The following CACNB2 variants were observed in gnomAD, a reference collection of about 807,000 sequenced individuals.
CACNB2 encodes the protein voltage-dependent L-type calcium channel subunit beta-2.
A neutral mutation model predicts 73.3 loss-of-function variants in CACNB2; 42 were observed. That is an observed-to-expected ratio of 0.57 (90% CI 0.45 to 0.74). CACNB2 has a LOEUF of 0.74. CACNB2 is among the 30% of genes least tolerant of loss of function. The pLI, the probability that CACNB2 is intolerant of heterozygous loss-of-function variation, is 0.00. For synonymous variants in CACNB2, 348 were observed against 310.3 expected, an observed-to-expected ratio of 1.12 and a Z score of -1.28; for missense variants, 940 against 853.0, an observed-to-expected ratio of 1.10 and a Z score of -1.27.
intron 2 of CACNB2, among the ~76,000 whole-genome samples, chr10:18,364,811 A>AT (rs2042284634): frequency 6.6e-6 from 1 of 151,860 alleles, no homozygotes; most frequent in African/African-American, 2.4e-5. Flanking sequence ...CCAAAATGTC[A>AT]TTTTCCATGC....
chr10:18,498,308 G>C (rs371337619), intron 3 of CACNB2, 47 bp from the exon 4 acceptor site: 2 of 1,611,396 alleles, frequency 1.2e-6, no homozygotes, highest in East Asian at 4.5e-5. Flanking sequence ...AGGAGGGACA[G>C]TGTTGTTTTG....
chr10:18,497,918 C>A (rs1163603753), intron 3 of CACNB2, among the ~76,000 whole-genome samples: 1 of 152,028 alleles, frequency 6.6e-6, no homozygotes, highest in African/African-American at 2.4e-5. Flanking sequence ...AATGATTGTA[C>A]CTTTCGGAAT....
chr10:18,346,115 T>C (rs1055486580), intron 2 of CACNB2, among the ~76,000 whole-genome samples: 2 of 152,136 alleles, frequency 1.3e-5, no homozygotes, highest in Non-Finnish European at 2.9e-5. Context: ...TCTTCCACTC[T>C]CCTCTTAAGA....
At chr10:18,411,124 ATTGTCAACTCTTTGC>A (rs1181344657) in intron 3 of CACNB2, among the ~76,000 whole-genome samples, 2 of 152,158 alleles carry the variant, frequency 1.3e-5, no homozygotes, top group Non-Finnish European at 2.9e-5. Context: ...GCTTTAAAAA[ATTGTCAACTCTTTGC>A]TTATAAGCAT....
chr10:18,444,925 G>A (rs1309179406), intron 3 of CACNB2, among the ~76,000 whole-genome samples: 2 of 152,148 alleles, frequency 1.3e-5, no homozygotes, highest in Non-Finnish European at 2.9e-5. Flanking sequence ...TTTTGCAGTT[G>A]TACTAAGTTT....
intron 9 of CACNB2, among the ~76,000 whole-genome samples, chr10:18,520,252 C>G (rs1404607024): frequency 6.6e-6 from 1 of 152,238 alleles, no homozygotes; most frequent in Non-Finnish European, 1.5e-5. Flanking sequence ...TCTTCCCTAT[C>G]TCAATTAATA....
At chr10:18,160,167 A>G (rs2032354060) in intron 2 of CACNB2, among the ~76,000 whole-genome samples, 1 of 140,036 alleles carries the variant, frequency 7.1e-6, no homozygotes, top group African/African-American at 2.6e-5. Context: ...CTCGTTGAAC[A>G]TAATTTTGGG....
intron 2 of CACNB2, among the ~76,000 whole-genome samples, chr10:18,283,725 G>A (rs754779713): frequency 4.2e-4 from 63 of 151,654 alleles, no homozygotes; most frequent in Non-Finnish European, 7.9e-4. Flanking sequence ...TGTAAATGAC[G>A]AGTTAATGGG....
chr10:18,455,187 A>T (rs1264067213), intron 3 of CACNB2, among the ~76,000 whole-genome samples: 1 of 152,202 alleles, frequency 6.6e-6, no homozygotes, highest in Non-Finnish European at 1.5e-5. Context: ...TATTTTTAGG[A>T]AAAAGTGTGA....
intron 2 of CACNB2, among the ~76,000 whole-genome samples, chr10:18,352,390 G>T (rs1490764811): frequency 6.6e-6 from 1 of 152,186 alleles, no homozygotes; most frequent in Non-Finnish European, 1.5e-5. Flanking sequence ...CTGTATGAAA[G>T]CTCTTAGGTT....
At chr10:18,316,307 A>G (rs1339254863) in intron 2 of CACNB2, among the ~76,000 whole-genome samples, 1 of 152,184 alleles carries the variant, frequency 6.6e-6, no homozygotes, top group Non-Finnish European at 1.5e-5. Context: ...GTATAAATTA[A>G]GTTCTCAATA....
At position 18,243,207 on chromosome 10, in the gene CACNB2, T is replaced by A. The variant is rs187303147; in HGVS notation, c.213+92232T>A. On this transcript the variant is annotated intron_variant, in intron 2 of 13. Coordinates refer to ENST00000324631, the MANE Select transcript of CACNB2 (RefSeq NM_201596.3). ...TCTACAGGACTAGTAATACACAAAG[T>A]CCCTAAATTTTAACAGCATTCTAGA... is the stretch of plus-strand genomic sequence containing the variant. Among the ~76,000 whole-genome samples, 13 of 152,070 alleles carry A rather than the reference T, an allele frequency of 8.5e-5. No homozygotes were observed. In the East Asian group the frequency reaches 1.9e-3, roughly 23 times the overall value.
At chr10:18,222,196 G>T (rs1411536793) in intron 2 of CACNB2, among the ~76,000 whole-genome samples, 1 of 152,182 alleles carries the variant, frequency 6.6e-6, no homozygotes, top group Non-Finnish European at 1.5e-5. Flanking sequence ...ACTGGAATAT[G>T]TTAAATGACC....
intron 2 of CACNB2, among the ~76,000 whole-genome samples, chr10:18,332,182 TCTGTG>T (rs2040831777): frequency 6.6e-6 from 1 of 152,160 alleles, no homozygotes; most frequent in Admixed American, 6.5e-5. Context: ...ATACAAGCTG[TCTGTG>T]CCTTATAAAG....
At chr10:18,204,819 T>A (rs918177144) in intron 2 of CACNB2, among the ~76,000 whole-genome samples, 6 of 152,218 alleles carry the variant, frequency 3.9e-5, no homozygotes, top group Admixed American at 2.6e-4. Context: ...AATATACATG[T>A]TATTGCTTCT....
chr10:18,176,626 G>A (rs934178528), intron 2 of CACNB2, among the ~76,000 whole-genome samples: 5 of 150,740 alleles, frequency 3.3e-5, no homozygotes, highest in Non-Finnish European at 5.9e-5. Context: ...TGATTGGAAG[G>A]TAAGTCTGTG....
At chr10:18,369,085 A>G (rs2042470840) in intron 2 of CACNB2, among the ~76,000 whole-genome samples, 1 of 152,184 alleles carries the variant, frequency 6.6e-6, no homozygotes, top group African/African-American at 2.4e-5. Flanking sequence ...TGTAAACCAG[A>G]TCAGAGTATT....
Position 18,150,855 on chromosome 10 carries a change from CTTTTTTTTTTTTT to C in CACNB2, c.121-15_121-3del, listed in dbSNP as rs71402148. 8.3e-6 allele frequency: 4 copies of C among 484,692 alleles called. No individual in the cohort carries two copies. The highest frequency in any genetic ancestry group is 5.6e-5 in the East Asian group (1 of 17,774). The allele number at this position is 484,692 out of a possible 1,614,324, so 30.0% of individuals were successfully genotyped here. ...AGGGTCTCATAATAATCTTATTTGT[CTTTTTTTTTTTTT>C]TTTTTTTTTTTTAGTCATATGGAAA... On this transcript the variant is annotated splice_polypyrimidine_tract_variant and intron_variant, in intron 1 of 13. Transcript: ENST00000324631.
In CACNB2 at chr10:18,496,814, C is replaced by CAAAAAA. The variant is rs905870687; in HGVS notation, c.334-1526_334-1521dup. Among the ~76,000 whole-genome samples, 31 of 45,192 alleles carry CAAAAAA rather than the reference C, an allele frequency of 6.9e-4. 2 individuals carry two copies. The highest frequency in any genetic ancestry group is 2.3e-3 in the African/African-American group (31 of 13,234). 29.6% of individuals were successfully genotyped at this position (45,192 alleles called of 152,430 possible). A position where few individuals can be genotyped will look rare whatever the true frequency, so the allele number is the denominator to read the frequency against. On this transcript the variant is annotated intron_variant, in intron 3 of 13. Coordinates refer to ENST00000324631, the MANE Select transcript of CACNB2 (RefSeq NM_201596.3). ...GGGCAACAAGAGCGAAACTCCGCCTCAAAAAAAAAAAAAAAAAAAAGGAAA... is the reference window on the plus strand; with the variant it reads ...GGGCAACAAGAGCGAAACTCCGCCTCAAAAAAAAAAAAAAAAAAAAAAAAAAGGAAA...
Sources: gnomAD v4.1 joint callset for allele counts (sites outside exome capture counted in the v4.1 genomes callset) on GRCh38, gnomAD v4.1.1 for gene constraint, MANE v1.5 for transcripts, NCBI Gene and HGNC (gene_info 2026-07-23, HGNC 2026-07-21) for gene names.